HS6ST3: variants seen among roughly 807,000 people sequenced by gnomAD.
HS6ST3 encodes heparan sulfate 6-O-sulfotransferase 3.
Under a neutral mutation model 36.7 loss-of-function variants are expected in HS6ST3, and 12 were observed. The observed-to-expected ratio is 0.33, with a 90% CI of 0.21 to 0.53. The LOEUF (loss-of-function observed/expected upper bound fraction) is 0.53, where lower values mean the gene tolerates loss of function less well. HS6ST3 is among the 20% of genes least tolerant of loss of function. HS6ST3 has a pLI of 0.95. For synonymous variants in HS6ST3, 240 were observed against 257.5 expected (o/e 0.93, Z 0.65); for missense variants, 584 against 640.9 (o/e 0.91, Z 0.96).
chr13:96,332,678 G>A (rs12323049), intron 1 of HS6ST3, among the ~76,000 whole-genome samples: 4,826 of 152,302 alleles, frequency 0.032, 104 homozygotes, highest in African/African-American at 0.059. Context: ...CACTATGACC[G>A]AAGGGATTGC....
intron 1 of HS6ST3, among the ~76,000 whole-genome samples, chr13:96,698,202 C>G (rs559418054): frequency 6.6e-5 from 10 of 152,250 alleles, no homozygotes; most frequent in Middle Eastern, 6.8e-3. Context: ...CTGCTCCCCC[C>G]ACCCCACAAC....
chr13:96,737,690 G>A (rs960940638), intron 1 of HS6ST3, among the ~76,000 whole-genome samples: 4 of 147,346 alleles, frequency 2.7e-5, no homozygotes, highest in Middle Eastern at 3.3e-3. Flanking sequence ...CTATTGGAAT[G>A]TTAAATCACA....
intron 1 of HS6ST3, among the ~76,000 whole-genome samples, chr13:96,448,167 T>G (rs1370813625): frequency 6.6e-6 from 1 of 152,206 alleles, no homozygotes; most frequent in Non-Finnish European, 1.5e-5. Flanking sequence ...TTTGAGCATA[T>G]GCAACTTATT....
At chr13:96,144,721 A>G (rs933400187) in intron 1 of HS6ST3, among the ~76,000 whole-genome samples, 1 of 151,116 alleles carries the variant, frequency 6.6e-6, no homozygotes, top group Admixed American at 6.6e-5. Flanking sequence ...TACATGTGCC[A>G]TGTTGGTGTG....
chr13:96,496,994 C>T lies in HS6ST3; in HGVS notation c.708-335496C>T, dbSNP rs574417915. 3.4e-4 allele frequency among the ~76,000 whole-genome samples: 51 copies of T among 152,216 alleles called. 1 individual carries two copies. The highest frequency in any genetic ancestry group is 1.2e-3 in the African/African-American group (48 of 41,536). ...TTAAGGGTGCATAATTTGGACTTAA[C>T]CTTGTCTGGTGGGAATACCCAAGCT... On this transcript the variant is annotated intron_variant, in intron 1 of 1. Coordinates refer to ENST00000376705, the MANE Select transcript of HS6ST3 (RefSeq NM_153456.4).
intron 1 of HS6ST3, among the ~76,000 whole-genome samples, chr13:96,597,907 C>T (rs992976051): frequency 6.6e-6 from 1 of 151,998 alleles, no homozygotes; most frequent in Non-Finnish European, 1.5e-5. Context: ...TTAATTTTCC[C>T]AACACCGTTC....
At chr13:96,209,224 T>C (rs2139356385) in intron 1 of HS6ST3, among the ~76,000 whole-genome samples, 1 of 152,264 alleles carries the variant, frequency 6.6e-6, no homozygotes, top group Non-Finnish European at 1.5e-5. Flanking sequence ...AAATGAGCCA[T>C]TGAGCAACTT....
chr13:96,647,468 T>C (rs1035613724), intron 1 of HS6ST3, among the ~76,000 whole-genome samples: 1 of 152,018 alleles, frequency 6.6e-6, no homozygotes, highest in Non-Finnish European at 1.5e-5. Flanking sequence ...TTTTTCAGTA[T>C]TAGTCAGTTT....
chr13:96,423,819 G>A (rs1482127956), intron 1 of HS6ST3, among the ~76,000 whole-genome samples: 1 of 152,098 alleles, frequency 6.6e-6, no homozygotes, highest in African/African-American at 2.4e-5. Flanking sequence ...ACTAGAAGGG[G>A]TGATGAACAT....
chr13:96,624,468 CAG>C lies in HS6ST3; in HGVS notation c.708-208019_708-208018del, dbSNP rs2056505491. Reference sequence around the variant, plus strand: ...TTTTTTTCAATTTTTATTTTAGATTCAGAGGGTACATTTGCAGGTTTATCACA... The same window carrying C: ...TTTTTTTCAATTTTTATTTTAGATTCAGGGTACATTTGCAGGTTTATCACA... On this transcript the variant is annotated intron_variant, in intron 1 of 1. Transcript: ENST00000376705. 3.3e-5 allele frequency among the ~76,000 whole-genome samples: 5 copies of C among 151,924 alleles called. No individual in the cohort carries two copies. The South Asian group carries it at 1.0e-3, about 31-fold the overall frequency.
At chr13:96,566,203 T>C (rs1350770960) in intron 1 of HS6ST3, among the ~76,000 whole-genome samples, 1 of 151,806 alleles carries the variant, frequency 6.6e-6, no homozygotes, top group Non-Finnish European at 1.5e-5. Context: ...ATTAATAATA[T>C]TAGAGAATCA....
intron 1 of HS6ST3, among the ~76,000 whole-genome samples, chr13:96,139,896 C>T (rs542834): frequency 0.37 from 55,704 of 151,854 alleles, 11,006 homozygotes; most frequent in East Asian, 0.48. Context: ...AACCAAGTAT[C>T]CACAGTCTAC....
chr13:96,415,735 C>T (rs776465523), intron 1 of HS6ST3, among the ~76,000 whole-genome samples: 9 of 152,204 alleles, frequency 5.9e-5, no homozygotes, highest in Non-Finnish European at 1.2e-4. Context: ...CTGTTACTGG[C>T]AGCCCTGCAA....
intron 1 of HS6ST3, among the ~76,000 whole-genome samples, chr13:96,492,499 CT>C (rs1162016554): frequency 1.3e-5 from 2 of 152,232 alleles, no homozygotes; most frequent in African/African-American, 4.8e-5. Context: ...AATTTGAGTA[CT>C]TTGCCTTGCC....
At chr13:96,767,926 G>A (rs2138505008) in intron 1 of HS6ST3, among the ~76,000 whole-genome samples, 1 of 152,288 alleles carries the variant, frequency 6.6e-6, no homozygotes, top group African/African-American at 2.4e-5. Flanking sequence ...GTCTTTGGAA[G>A]GAGCTAATAT....
At chr13:96,146,013 A>G (rs1566893093) in intron 1 of HS6ST3, among the ~76,000 whole-genome samples, 1 of 152,062 alleles carries the variant, frequency 6.6e-6, no homozygotes, top group East Asian at 1.9e-4. Flanking sequence ...ATTGGTCTAT[A>G]TCTCTGTTTT....
In HS6ST3 at chr13:96,127,151, T is replaced by A. The variant is rs539829617; in HGVS notation, c.707+35582T>A. ...GCCCTACCAAACAATGTGATAGTAT[T>A]AGGAGATGAGGTCATGGGGGTGGAG... On this transcript the variant is annotated intron_variant, in intron 1 of 1. Transcript: ENST00000376705. Among the ~76,000 whole-genome samples, 4 of 152,282 alleles carry A rather than the reference T, an allele frequency of 2.6e-5. No individual in the cohort carries two copies. The East Asian group carries it at 7.7e-4, about 29-fold the overall frequency.
chr13:96,509,910 T>C (rs1340913073), intron 1 of HS6ST3, among the ~76,000 whole-genome samples: 1 of 152,158 alleles, frequency 6.6e-6, no homozygotes, highest in Non-Finnish European at 1.5e-5. Flanking sequence ...AGGAATTGCA[T>C]TTAATCTGTA....
At chr13:96,450,147 G>T (rs1258619498) in intron 1 of HS6ST3, among the ~76,000 whole-genome samples, 1 of 152,184 alleles carries the variant, frequency 6.6e-6, no homozygotes, top group Non-Finnish European at 1.5e-5. Flanking sequence ...TCAATGGCAG[G>T]TCAGTGAATT....
Sources: gnomAD v4.1 joint callset for allele counts (sites outside exome capture counted in the v4.1 genomes callset) on GRCh38, gnomAD v4.1.1 for gene constraint, MANE v1.5 for transcripts, NCBI Gene and HGNC (gene_info 2026-07-23, HGNC 2026-07-21) for gene names.